The following MIGA2 variants were observed in gnomAD, a reference collection of about 807,000 sequenced individuals.
The protein encoded by MIGA2 is mitoguardin 2.
MIGA2 carries 36 observed loss-of-function variants against 69.9 expected under a neutral mutation model. The ratio of observed to expected loss-of-function variants is 0.52; its 90% CI spans 0.39 to 0.68. The LOEUF (loss-of-function observed/expected upper bound fraction) is 0.68. Among genes scored for constraint, MIGA2 ranks in the 30% least tolerant of loss-of-function variants. The probability of loss-of-function intolerance (pLI) is 0.00; values close to 1 mark genes in which losing one functional copy is unlikely to be tolerated. For synonymous variants in MIGA2, 333 were observed against 349.2 expected (o/e 0.95, Z 0.52); for missense variants, 660 against 787.7 (o/e 0.84, Z 1.94).
chr9:129,061,327 G>A lies in MIGA2; in HGVS notation c.991G>A (p.Val331Met). The A allele has an allele frequency of 1.2e-6, 2 of 1,611,940 alleles. No homozygotes were observed. The highest frequency in any genetic ancestry group is 1.7e-6 in the Non-Finnish European group (2 of 1,179,636). The change falls in exon 9 of 16, where the codon GTG becomes ATG. Residue 331 changes from valine to methionine, a missense_variant. This residue lies in a region of MIGA2 where 386 missense variants were observed against 402.0 expected (regional missense o/e 0.96). Transcript: ENST00000684074. This position sits in a 1 kb window ranked among gnomAD's most constrained non-coding sequence, Gnocchi z 5.0. ...EALQLVKEGR[V>M]PCRTLRTELL... The stretch of plus-strand genomic sequence containing the variant: ...CCTGCAGCTGGTGAAGGAGGGGAGA[G>A]TGCCTTGCCGGACCCTCAGGTGAGC...
intron 3 of MIGA2, among the ~76,000 whole-genome samples, chr9:129,044,706 C>T (rs930702392): frequency 2.0e-5 from 3 of 152,060 alleles, no homozygotes; most frequent in African/African-American, 7.2e-5. Flanking sequence ...GCATGAGCCA[C>T]CACACCCAGC....
In MIGA2 at chr9:129,069,294, A is replaced by G; in HGVS notation, c.1458+165A>G. 1.3e-6 allele frequency: 1 copy of G among 796,936 alleles called. No homozygotes were observed. The highest frequency in any genetic ancestry group is 2.1e-6 in the Non-Finnish European group (1 of 484,748). The allele number at this position is 796,936 out of a possible 1,614,324, so 49.4% of individuals were successfully genotyped here. A position where few individuals can be genotyped will look rare whatever the true frequency, so the allele number is the denominator to read the frequency against. On this transcript the variant is annotated intron_variant, in intron 14 of 15. Coordinates refer to ENST00000684074, the MANE Select transcript of MIGA2 (RefSeq NM_001329990.2). The surrounding 1 kb of genome is among the most constrained non-coding windows in gnomAD (Gnocchi z 4.9). Reference sequence around the variant, plus strand: ...TCTCCCTGTGCCAGGAGCTCCCTGGAGGCTCGTGTAGACCCACTTCCTCTC... The same window carrying G: ...TCTCCCTGTGCCAGGAGCTCCCTGGGGGCTCGTGTAGACCCACTTCCTCTC...
In MIGA2 at chr9:129,060,865, G is replaced by A. The variant is rs1417835809; in HGVS notation, c.894+215G>A. Among the ~76,000 whole-genome samples, 2 of 152,246 alleles carry A rather than the reference G, an allele frequency of 1.3e-5. No individual in the cohort carries two copies. Among genetic ancestry groups the A allele is most frequent in the African/African-American group, 2.4e-5 (1 of 41,472 alleles). On this transcript the variant is annotated intron_variant, in intron 8 of 15. Coordinates refer to ENST00000684074, the MANE Select transcript of MIGA2 (RefSeq NM_001329990.2). The surrounding 1 kb of genome is among the most constrained non-coding windows in gnomAD (Gnocchi z 4.8). ...TGGGTGAGAGCAGGGGTTCCACCCC[G>A]AAGGGCTCCAGCCCGTGCTGGCCTT...
At chr9:129,050,648 C>G (rs1031589419) in intron 6 of MIGA2, among the ~76,000 whole-genome samples, 2 of 149,886 alleles carry the variant, frequency 1.3e-5, no homozygotes, top group African/African-American at 4.9e-5. Flanking sequence ...CTTGGCTCTC[C>G]GTAACCTCCG....
intron 11 of MIGA2, among the ~76,000 whole-genome samples, chr9:129,066,959 CAAAAAAA>C (rs1215441028): frequency 4.7e-4 from 15 of 32,126 alleles, no homozygotes; most frequent in African/African-American, 1.4e-3. Flanking sequence ...GACTCTGTCT[CAAAAAAA>C]AAAAAAAAAA....
Position 129,048,486 on chromosome 9 carries a change from A to G in MIGA2, c.367A>G (p.Ile123Val), listed in dbSNP as rs757439150. The change falls in exon 4 of 16, where the codon ATC (isoleucine) becomes GTC (valine). Residue 123 changes from isoleucine (I) to valine (V), a missense_variant. By Grantham distance (29) the Ile-to-Val change is conservative. Around this residue, in one of 3 missense-constraint regions of MIGA2, gnomAD observed 386 missense variants for 402.0 expected, o/e 0.96. Coordinates refer to ENST00000684074, the MANE Select transcript of MIGA2 (RefSeq NM_001329990.2). ...SSKSNDTLSG[I>V]SSIEPSKHSG... Reference sequence around the variant, plus strand: ...CAAGAGCAACGACACCCTGAGTGGCATCTCTTCCATTGAGCCCAGCAAGCA... The same window carrying G: ...CAAGAGCAACGACACCCTGAGTGGCGTCTCTTCCATTGAGCCCAGCAAGCA... The G allele has an allele frequency of 7.4e-6, 12 of 1,614,104 alleles. No individual in the cohort carries two copies. The highest frequency in any genetic ancestry group is 2.2e-5 in the South Asian group (2 of 91,088).
chr9:129,063,429 C>G (rs1846170458), intron 10 of MIGA2, 113 bp downstream of exon 10: 1 of 1,536,016 alleles, frequency 6.5e-7, no homozygotes, highest in Non-Finnish European at 8.9e-7. Context: ...TGCTCCCACA[C>G]TGGGCTCCTC....
chr9:129,042,359 C>T lies in MIGA2; in HGVS notation c.152C>T (p.Thr51Met), dbSNP rs376127108. The T allele has an allele frequency of 2.5e-5, 41 of 1,613,362 alleles. No homozygotes were observed. Among genetic ancestry groups the T allele is most frequent in the East Asian group, 1.3e-4 (6 of 44,894 alleles). The change falls in exon 3 of 16, where the codon ACG becomes ATG. Residue 51 changes from threonine (T) to methionine (M), a missense_variant. Physicochemically the swap from Thr to Met is moderately conservative, Grantham distance 81. Around this residue, in one of 3 missense-constraint regions of MIGA2, gnomAD observed 54 missense variants for 84.0 expected, o/e 0.64. Transcript: ENST00000684074. ...GGCCTGCGGAAAGTCCTCTTTGCCA[C>T]GGCCCTGGGGACTGTGGCCCTGGCC... Reference protein sequence around the residue: ...TPGLRKVLFATALGTVALALA... With the variant: ...TPGLRKVLFAMALGTVALALA...
At chr9:129,044,357 C>G (rs1022632764) in intron 3 of MIGA2, among the ~76,000 whole-genome samples, 4 of 151,874 alleles carry the variant, frequency 2.6e-5, no homozygotes, top group African/African-American at 7.3e-5. Flanking sequence ...AAAAAAAGAA[C>G]TGTTCTATCG....
In MIGA2 at chr9:129,069,212, G is replaced by T; in HGVS notation, c.1458+83G>T. ...GAGCGGAGCGGGTGCAGGGTGGCTC[G>T]CTGGGCCACTTGGCCTTCACCGCTC... On this transcript the variant is annotated intron_variant, in intron 14 of 15. Transcript: ENST00000684074. The surrounding 1 kb of genome is among the most constrained non-coding windows in gnomAD (Gnocchi z 4.9). 1 of 1,551,860 alleles carries T rather than the reference G, an allele frequency of 6.4e-7. No homozygotes were observed. The highest frequency in any genetic ancestry group is 1.4e-5 in the African/African-American group (1 of 73,816).
At chr9:129,048,953 C>G (rs1845378169) in intron 4 of MIGA2, among the ~76,000 whole-genome samples, 1 of 152,164 alleles carries the variant, frequency 6.6e-6, no homozygotes, top group African/African-American at 2.4e-5. Context: ...ATGAGCCAGG[C>G]TGGCACAGGG....
In MIGA2 at chr9:129,069,204, G is replaced by T; in HGVS notation, c.1458+75G>T. ...GTGGTGGGGAGCGGAGCGGGTGCAG[G>T]GTGGCTCGCTGGGCCACTTGGCCTT... On this transcript the variant is annotated intron_variant, in intron 14 of 15. Coordinates refer to ENST00000684074, the MANE Select transcript of MIGA2 (RefSeq NM_001329990.2). This position sits in a 1 kb window ranked among gnomAD's most constrained non-coding sequence, Gnocchi z 4.9. The T allele has an allele frequency of 1.3e-6, 2 of 1,591,774 alleles. No homozygotes were observed. The highest frequency in any genetic ancestry group is 8.6e-7 in the Non-Finnish European group (1 of 1,163,890).
chr9:129,049,887 G>T lies in MIGA2; in HGVS notation c.599G>T (p.Arg200Leu). The change falls in exon 6 of 16, where the codon CGG becomes CTG. Residue 200 changes from arginine (R) to leucine (L), a missense_variant. By Grantham distance (102) the Arg-to-Leu change is moderately radical. Coordinates refer to ENST00000684074, the MANE Select transcript of MIGA2 (RefSeq NM_001329990.2). ...GAGCAGGCACTAAGCGTGGGCCAGCGGGGGGACAGCGGCAGCACCCCCATG... is the reference window on the plus strand; with the variant it reads ...GAGCAGGCACTAAGCGTGGGCCAGCTGGGGGACAGCGGCAGCACCCCCATG... ...KWEQALSVGQ[R>L]GDSGSTPMPR... The T allele has an allele frequency of 6.2e-7, 1 of 1,613,882 alleles. No individual in the cohort carries two copies. Among genetic ancestry groups the T allele is most frequent in the Admixed American group, 1.7e-5 (1 of 59,980 alleles).
At chr9:129,065,646 G>A (rs1019777786) in intron 11 of MIGA2, among the ~76,000 whole-genome samples, 15 of 151,784 alleles carry the variant, frequency 9.9e-5, no homozygotes, top group African/African-American at 2.9e-4. Flanking sequence ...CACCACGCCC[G>A]GCCTATGTAT....
Position 129,071,905 on chromosome 9 carries a change from T to A in MIGA2, c.*1452T>A, listed in dbSNP as rs1317286487. On this transcript the variant is annotated 3_prime_UTR_variant, in exon 16 of 16. Transcript: ENST00000684074. ...ATCCTGTTCTTTTGCACTTACCCTG[T>A]GCTGTGAATGTAACAGTGGGCCTTG... The A allele has an allele frequency of 6.5e-6, 1 of 152,710 alleles. No individual in the cohort carries two copies. Among genetic ancestry groups the A allele is most frequent in the Non-Finnish European group, 1.5e-5 (1 of 68,052 alleles). The allele number at this position is 152,710 out of a possible 1,614,324, so 9.5% of individuals were successfully genotyped here. A position where few individuals can be genotyped will look rare whatever the true frequency, so the allele number is the denominator to read the frequency against.
rs1478711897 is a variant in MIGA2 at position 129,068,432 on chromosome 9, G to T, written c.1404+100G>T. The T allele has an allele frequency of 3.3e-6, 5 of 1,512,208 alleles. No homozygotes were observed. The highest frequency in any genetic ancestry group is 4.5e-6 in the Non-Finnish European group (5 of 1,120,814). The allele number at this position is 1,512,208 out of a possible 1,614,324, so 93.7% of individuals were successfully genotyped here. A position where few individuals can be genotyped will look rare whatever the true frequency, so the allele number is the denominator to read the frequency against. ...GTCCCTAGCACTGGCACCAGGGCTG[G>T]GCCCCCACCCCCTAGATCCGCGGCT... On this transcript the variant is annotated intron_variant, in intron 13 of 15. Coordinates refer to ENST00000684074, the MANE Select transcript of MIGA2 (RefSeq NM_001329990.2). The surrounding 1 kb of genome is among the most constrained non-coding windows in gnomAD (Gnocchi z 4.1).
chr9:129,052,547 C>T (rs1476636800), intron 6 of MIGA2, among the ~76,000 whole-genome samples: 1 of 152,162 alleles, frequency 6.6e-6, no homozygotes, highest in Non-Finnish European at 1.5e-5. Context: ...GAGGCCGAGG[C>T]AGGAGGACCA....
intron 12 of MIGA2, 103 bp downstream of exon 12, chr9:129,067,974 C>T (rs758552986): frequency 2.0e-5 from 28 of 1,375,400 alleles, no homozygotes; most frequent in African/African-American, 1.4e-4. Flanking sequence ...GCGGCTGAGA[C>T]GGTTCCATCA....
intron 4 of MIGA2, 59 bp from the exon 5 acceptor site, chr9:129,049,322 G>A: frequency 6.5e-7 from 1 of 1,529,812 alleles, no homozygotes; most frequent in Non-Finnish European, 9.0e-7. Context: ...GGCTCAGGGG[G>A]GCCCTGCAGA....
Sources: allele counts gnomAD v4.1 joint callset (sites outside exome capture counted in the v4.1 genomes callset), GRCh38; gene constraint gnomAD v4.1.1; regional missense constraint gnomAD v4.1.1; non-coding constraint Gnocchi (gnomAD v3.1); transcripts MANE v1.5; gene names NCBI Gene and HGNC (gene_info 2026-07-23, HGNC 2026-07-21).